RAB3GAP2: variants seen among roughly 807,000 people sequenced by gnomAD.
RAB3GAP2 encodes rab3 GTPase-activating protein non-catalytic subunit.
A neutral mutation model predicts 185.3 loss-of-function variants in RAB3GAP2; 87 were observed. The observed-to-expected ratio is 0.47, with a 90% CI of 0.39 to 0.56. The LOEUF (loss-of-function observed/expected upper bound fraction) is 0.56, where lower values mean the gene tolerates loss of function less well. Ranked by LOEUF, RAB3GAP2 falls within the 20% of genes least tolerant of loss-of-function variation. The probability of loss-of-function intolerance (pLI) is 0.00; values close to 1 mark genes in which losing one functional copy is unlikely to be tolerated. For synonymous variants in RAB3GAP2, 554 were observed against 576.1 expected (o/e 0.96, Z 0.55); for missense variants, 1,492 against 1,638.2 (o/e 0.91, Z 1.54).
rs750005252 is a variant in RAB3GAP2 at position 220,272,387 on chromosome 1, C to T, written c.-50G>A. 4.5e-6 allele frequency: 6 copies of T among 1,332,958 alleles called. No individual in the cohort carries two copies. Among genetic ancestry groups the T allele is most frequent in the Admixed American group, 1.9e-5 (1 of 51,510 alleles). The allele number at this position is 1,332,958 out of a possible 1,614,324, so 82.6% of individuals were successfully genotyped here. ...ACTCACCTTACCTCACCACGCCCTG[C>T]CCCCTCCACCCCACTGCGGCCGCCA... On this transcript the variant is annotated 5_prime_UTR_variant, in exon 1 of 35. Transcript: ENST00000358951.
intron 1 of RAB3GAP2, among the ~76,000 whole-genome samples, chr1:220,238,678 T>A (rs947632762): frequency 2.6e-5 from 4 of 152,216 alleles, no homozygotes; most frequent in African/African-American, 9.6e-5. Context: ...ATTAACTAAA[T>A]GCCTCCTAAG....
chr1:220,267,147 A>T (rs1660241594), intron 1 of RAB3GAP2: 1 of 1,217,224 alleles, frequency 8.2e-7, no homozygotes, highest in Non-Finnish European at 1.2e-6. Flanking sequence ...TCTCTGGCTT[A>T]ATGTCTCTAT....
intron 21 of RAB3GAP2, among the ~76,000 whole-genome samples, chr1:220,178,709 TA>T (rs34441738): frequency 4.0e-5 from 6 of 150,028 alleles, no homozygotes; most frequent in Non-Finnish European, 5.9e-5. Flanking sequence ...CACTTAACTA[TA>T]AAAAAAAAGA....
intron 10 of RAB3GAP2, among the ~76,000 whole-genome samples, 157 bp from the exon 11 acceptor site, chr1:220,195,534 C>T (rs1019857148): frequency 3.3e-5 from 5 of 152,008 alleles, no homozygotes; most frequent in East Asian, 3.9e-4. Context: ...TTATTTTAGG[C>T]GTAATATGAG....
intron 2 of RAB3GAP2, among the ~76,000 whole-genome samples, chr1:220,220,093 T>C (rs879347514): frequency 2.0e-5 from 3 of 152,164 alleles, no homozygotes; most frequent in Non-Finnish European, 2.9e-5. Flanking sequence ...ACGCCTGAAA[T>C]GTAAAACAAA....
intron 18 of RAB3GAP2, 32 bp downstream of exon 18, chr1:220,185,619 A>T (rs1339477386): frequency 1.2e-5 from 18 of 1,527,512 alleles, no homozygotes; most frequent in Middle Eastern, 1.7e-4. Context: ...TGAGTTAAGA[A>T]CATAACCTCC....
chr1:220,225,809 G>A (rs1286471878), intron 2 of RAB3GAP2, among the ~76,000 whole-genome samples: 2 of 152,298 alleles, frequency 1.3e-5, no homozygotes, highest in Non-Finnish European at 1.5e-5. Flanking sequence ...CCTCTGGTCA[G>A]TCTGATGCTC....
chr1:220,213,787 C>A, intron 3 of RAB3GAP2, 69 bp downstream of exon 3: 2 of 1,444,612 alleles, frequency 1.4e-6, no homozygotes, highest in Non-Finnish European at 1.9e-6. Flanking sequence ...ATATTCTTTT[C>A]ACCTAATCCA....
At chr1:220,231,176 GC>G (rs1341461690) in intron 2 of RAB3GAP2, among the ~76,000 whole-genome samples, 1 of 152,108 alleles carries the variant, frequency 6.6e-6, no homozygotes, top group Admixed American at 6.6e-5. Context: ...TTTCTTCTCT[GC>G]CCCATCTTGG....
In RAB3GAP2 at chr1:220,238,164, C is replaced by A. The variant is rs532093871; in HGVS notation, c.116-5301G>T. 2.6e-5 allele frequency among the ~76,000 whole-genome samples: 4 copies of A among 152,268 alleles called. No homozygotes were observed. In the South Asian group the frequency reaches 8.3e-4, roughly 32 times the overall value. On this transcript the variant is annotated intron_variant, in intron 1 of 34. Transcript: ENST00000358951. ...CAAGTGATCCTCCCACCTTGGCCTC[C>A]CAAGTAGCTGGGACTACAGGTGTGC...
chr1:220,163,884 G>C (rs532224625), intron 27 of RAB3GAP2, among the ~76,000 whole-genome samples: 1 of 151,596 alleles, frequency 6.6e-6, no homozygotes, highest in Admixed American at 6.6e-5. Context: ...GCAAGCATGT[G>C]ATAGAGGTGA....
At position 220,214,102 on chromosome 1, in the gene RAB3GAP2, C is replaced by T. The variant is rs1229989498; in HGVS notation, c.181-123G>A. On this transcript the variant is annotated intron_variant, in intron 2 of 34. Transcript: ENST00000358951. ...AAAGGAAATATTTCCAATTCTCATACAGTTTCATAATATTCCTTATCAAAA... is the reference window on the plus strand; with the variant it reads ...AAAGGAAATATTTCCAATTCTCATATAGTTTCATAATATTCCTTATCAAAA... 6.2e-6 allele frequency: 6 copies of T among 962,408 alleles called. No homozygotes were observed. In the African/African-American group the frequency reaches 8.2e-5, roughly 13 times the overall value. 59.6% of individuals were successfully genotyped at this position (962,408 alleles called of 1,614,324 possible).
chr1:220,254,066 C>T (rs1361273943), intron 1 of RAB3GAP2: 4 of 1,613,806 alleles, frequency 2.5e-6, no homozygotes, highest in Middle Eastern at 1.7e-4. Flanking sequence ...TAGCTAAAAC[C>T]GTGGCTTGTT....
rs1446720746 is a variant in RAB3GAP2 at position 220,255,201 on chromosome 1, C to T, written c.115+17022G>A. On this transcript the variant is annotated intron_variant, in intron 1 of 34. Coordinates refer to ENST00000358951, the MANE Select transcript of RAB3GAP2 (RefSeq NM_012414.4). ...TTCAATAAATTTTTTCTTTAAATTT[C>T]AAAGAAAAAAAAAAGAAAACCAGAA... Among the ~76,000 whole-genome samples the T allele has an allele frequency of 2.1e-5, 3 of 145,838 alleles. No homozygotes were observed. In the East Asian group the frequency reaches 6.0e-4, roughly 29 times the overall value.
chr1:220,181,255 G>A lies in RAB3GAP2; in HGVS notation c.2310+1002C>T, dbSNP rs569835469. On this transcript the variant is annotated intron_variant, in intron 21 of 34. Coordinates refer to ENST00000358951, the MANE Select transcript of RAB3GAP2 (RefSeq NM_012414.4). ...TCATGCCTCAGCCTCTTGAGTAGCTGGGAATACAGGGACATGCCACCATGC... is the reference window on the plus strand; with the variant it reads ...TCATGCCTCAGCCTCTTGAGTAGCTAGGAATACAGGGACATGCCACCATGC... 2.0e-5 allele frequency among the ~76,000 whole-genome samples: 3 copies of A among 152,184 alleles called. No individual in the cohort carries two copies. In the East Asian group the frequency reaches 5.8e-4, roughly 29 times the overall value.
At chr1:220,256,005 G>GAA (rs1660026617) in intron 1 of RAB3GAP2, among the ~76,000 whole-genome samples, 1 of 152,034 alleles carries the variant, frequency 6.6e-6, no homozygotes, top group Non-Finnish European at 1.5e-5. Flanking sequence ...CAAAATGAAA[G>GAA]AAAAAATGTT....
At chr1:220,169,458 A>G (rs1036401221) in intron 24 of RAB3GAP2, among the ~76,000 whole-genome samples, 2 of 152,226 alleles carry the variant, frequency 1.3e-5, no homozygotes, top group African/African-American at 4.8e-5. Context: ...GTGAATCATG[A>G]AAGGTTTCCT....
rs766159496 is a variant in RAB3GAP2, at chr1:220,210,795, A to G, written c.510+6T>C. On this transcript the variant is annotated splice_donor_region_variant and intron_variant, in intron 6 of 34. Coordinates refer to ENST00000358951, the MANE Select transcript of RAB3GAP2 (RefSeq NM_012414.4). ...GTGTTTTCCAGCTGTTGAAAACTCA[A>G]CTCACCTCAGTGTAGAAGCGTACAT... The G allele has an allele frequency of 4.3e-6, 7 of 1,611,778 alleles. 1 individual carries two copies. The highest frequency in any genetic ancestry group is 1.7e-4 in the Middle Eastern group (1 of 6,060).
intron 31 of RAB3GAP2, 77 bp from the exon 32 acceptor site, chr1:220,154,134 TTAATAA>T: frequency 1.3e-6 from 2 of 1,568,436 alleles, no homozygotes; most frequent in Middle Eastern, 1.9e-4. Flanking sequence ...TGTTTAAAAC[TTAATAA>T]TAACTTATGG....
Sources: allele counts gnomAD v4.1 joint callset (sites outside exome capture counted in the v4.1 genomes callset), GRCh38; gene constraint gnomAD v4.1.1; transcripts MANE v1.5; gene names NCBI Gene and HGNC (gene_info 2026-07-23, HGNC 2026-07-21).